Variants in COL5A2 observed in about 807,000 individuals in gnomAD.
COL5A2 encodes the protein collagen alpha-2(V) chain.
A neutral mutation model predicts 208.2 loss-of-function variants in COL5A2; 23 were observed. That is an observed-to-expected ratio of 0.11 (90% CI 0.08 to 0.16). The LOEUF (loss-of-function observed/expected upper bound fraction) is 0.16, where lower values mean the gene tolerates loss of function less well. Among genes scored for constraint, COL5A2 ranks in the 10% least tolerant of loss-of-function variants. The pLI is 1.00. For missense variants in COL5A2, 1,590 were observed against 1,956.4 expected (o/e 0.81, Z 3.53); for synonymous variants, 625 against 628.5 (o/e 0.99, Z 0.08).
At chr2:189,237,885 G>C in the COL5A2 span, among the ~76,000 whole-genome samples, 1,868 of 151,792 alleles carry the variant, frequency 0.012, 48 homozygotes, top group African/African-American at 0.042. Context: ...GCTCAGTTTT[G>C]TGTTCAATAA....
At chr2:189,161,404 T>C (rs1344785618) in intron 1 of COL5A2, among the ~76,000 whole-genome samples, 1 of 152,214 alleles carries the variant, frequency 6.6e-6, no homozygotes, top group Non-Finnish European at 1.5e-5. Flanking sequence ...CAAGTCACTA[T>C]AAATAAAACA....
the COL5A2 span, among the ~76,000 whole-genome samples, chr2:189,269,110 G>T: frequency 6.6e-6 from 1 of 152,002 alleles, no homozygotes; most frequent in Non-Finnish European, 1.5e-5. Flanking sequence ...TAAATCTTAA[G>T]CCTTTCTCGT....
chr2:189,156,999 C>A (rs1333748839), intron 1 of COL5A2, among the ~76,000 whole-genome samples: 2 of 151,838 alleles, frequency 1.3e-5, no homozygotes, highest in East Asian at 3.9e-4. Context: ...ATAGTTCTAA[C>A]TACCTGTCTG....
chr2:189,066,793 T>C lies in COL5A2; in HGVS notation c.1402-11A>G. On this transcript the variant is annotated splice_polypyrimidine_tract_variant and intron_variant, in intron 21 of 53. Transcript: ENST00000374866. The stretch of plus-strand genomic sequence containing the variant: ...AACTCCTGGATCACCCTGAAAAAAA[T>C]ATATTGATATTTGTAAGAACCAGGA... 1.2e-6 allele frequency: 2 copies of C among 1,608,746 alleles called. No homozygotes were observed. The highest frequency in any genetic ancestry group is 1.7e-6 in the Non-Finnish European group (2 of 1,175,206).
At chr2:189,147,741 A>G (rs577207889) in intron 1 of COL5A2, among the ~76,000 whole-genome samples, 2 of 152,228 alleles carry the variant, frequency 1.3e-5, no homozygotes, top group Non-Finnish European at 2.9e-5. Flanking sequence ...TTACCCAGAG[A>G]ATGTTCTGGG....
rs116435277 is a variant in COL5A2, at chr2:189,081,340, T to C, written c.853-297A>G. Among the ~76,000 whole-genome samples the C allele has an allele frequency of 0.017, 2,646 of 152,226 alleles. 64 individuals are homozygous for C. The highest frequency in any genetic ancestry group is 0.061 in the African/African-American group (2,527 of 41,542). On this transcript the variant is annotated intron_variant, in intron 12 of 53. Coordinates refer to ENST00000374866, the MANE Select transcript of COL5A2 (RefSeq NM_000393.5). ...CATGATATCACTGTGTTATAATTAG[T>C]AGTGAAAACAAAACAAGAACATAAG...
chr2:189,144,630 A>C (rs1287650175), intron 1 of COL5A2, among the ~76,000 whole-genome samples: 1 of 151,828 alleles, frequency 6.6e-6, no homozygotes, highest in Non-Finnish European at 1.5e-5. Context: ...AAATACATAT[A>C]TTTTATATAT....
chr2:189,432,536 C>A, the COL5A2 span, among the ~76,000 whole-genome samples: 1 of 152,264 alleles, frequency 6.6e-6, no homozygotes, highest in East Asian at 1.9e-4. Context: ...CAATCCTAGT[C>A]TCTGATAAAA....
At chr2:189,054,690 C>CTT (rs58380313) in intron 35 of COL5A2, among the ~76,000 whole-genome samples, 106 of 113,516 alleles carry the variant, frequency 9.3e-4, no homozygotes, top group African/African-American at 1.5e-3. Context: ...GTGTTTTTTC[C>CTT]TTTTTTTTTT....
chr2:189,060,881 G>T, intron 30 of COL5A2, 98 bp from the exon 31 acceptor site: 1 of 810,712 alleles, frequency 1.2e-6, no homozygotes, highest in Non-Finnish European at 2.1e-6. Context: ...GGGTCTCCAA[G>T]ACTATATTTT....
intron 1 of COL5A2, among the ~76,000 whole-genome samples, chr2:189,204,275 C>T (rs1397416579): frequency 6.6e-6 from 1 of 152,140 alleles, no homozygotes; most frequent in African/African-American, 2.4e-5. Context: ...AAGTTTAGGT[C>T]GCTTTAACAT....
the COL5A2 span, among the ~76,000 whole-genome samples, chr2:189,313,021 A>G: frequency 6.6e-6 from 1 of 152,146 alleles, no homozygotes; most frequent in African/African-American, 2.4e-5. Flanking sequence ...AATGTAGCCA[A>G]CCTGACAGAG....
the COL5A2 span, among the ~76,000 whole-genome samples, chr2:189,248,733 A>C: frequency 6.6e-6 from 1 of 152,282 alleles, no homozygotes; most frequent in East Asian, 1.9e-4. Flanking sequence ...ACCCTACTTC[A>C]GAAAATAGAC....
intron 1 of COL5A2, among the ~76,000 whole-genome samples, chr2:189,186,143 C>T (rs1231963117): frequency 2.0e-5 from 3 of 151,912 alleles, no homozygotes; most frequent in African/African-American, 7.3e-5. Context: ...CTTGGGCACG[C>T]ACCATCACAA....
intron 1 of COL5A2, among the ~76,000 whole-genome samples, chr2:189,141,617 T>C (rs1242343231): frequency 6.6e-6 from 1 of 152,190 alleles, no homozygotes; most frequent in Non-Finnish European, 1.5e-5. Flanking sequence ...GTCACGTAGT[T>C]AATGCAAGTT....
chr2:189,273,503 A>G, the COL5A2 span, among the ~76,000 whole-genome samples: 1 of 152,158 alleles, frequency 6.6e-6, no homozygotes, highest in African/African-American at 2.4e-5. Flanking sequence ...CTGAATATAC[A>G]GCCAAAGGAA....
At chr2:189,321,228 A>C in the COL5A2 span, among the ~76,000 whole-genome samples, 62 of 152,340 alleles carry the variant, frequency 4.1e-4, 1 homozygote, top group African/African-American at 1.2e-3. Context: ...AATTGTAAAG[A>C]CCATCGATGC....
the COL5A2 span, among the ~76,000 whole-genome samples, chr2:189,275,229 T>C: frequency 5.9e-5 from 9 of 152,120 alleles, no homozygotes; most frequent in Non-Finnish European, 1.2e-4. Flanking sequence ...TTATATTGTA[T>C]GATATTTAAT....
At chr2:189,407,447 C>A in the COL5A2 span, among the ~76,000 whole-genome samples, 2 of 152,052 alleles carry the variant, frequency 1.3e-5, no homozygotes, top group Non-Finnish European at 2.9e-5. Context: ...AAGAGAGGTT[C>A]CCTACACATT....
Sources: allele counts gnomAD v4.1 joint callset (sites outside exome capture counted in the v4.1 genomes callset), GRCh38; gene constraint gnomAD v4.1.1; transcripts MANE v1.5; gene names NCBI Gene and HGNC (gene_info 2026-07-23, HGNC 2026-07-21).